The following TOX3 variants were observed in gnomAD, a reference collection of about 807,000 sequenced individuals.
TOX3 encodes TOX high mobility group box family member 3.
In TOX3, 22 loss-of-function variants were observed where a neutral mutation model predicts 64.3. The ratio of observed to expected loss-of-function variants is 0.34; its 90% confidence interval spans 0.24 to 0.49. The LOEUF is 0.49. Among genes scored for constraint, TOX3 ranks in the 20% least tolerant of loss-of-function variants. The pLI, the probability that TOX3 is intolerant of heterozygous loss-of-function variation, is 0.99. For synonymous variants in TOX3, 291 were observed against 273.6 expected, an observed-to-expected ratio of 1.06 and a Z score of -0.63; for missense variants, 661 against 714.4, an observed-to-expected ratio of 0.93 and a Z score of 0.85.
Position 52,463,296 on chromosome 16 carries a change from AGTGATTGCTGACTATAATT to A in TOX3, c.408+619_408+637del. ...TAAAATACTTAAGCAGATTTACTCT[AGTGATTGCTGACTATAATT>A]GCACACTAAGAAAAATAGAACCAAA... is the stretch of plus-strand genomic sequence containing the variant. On this transcript the variant is annotated intron_variant, in intron 3 of 6. Coordinates refer to ENST00000219746, the MANE Select transcript of TOX3 (RefSeq NM_001080430.4). 2.0e-5 allele frequency among the ~76,000 whole-genome samples: 3 copies of A among 152,340 alleles called. No homozygotes were observed. The South Asian group carries it at 6.2e-4, about 32-fold the overall frequency.
At chr16:52,469,278 A>G (rs1227176273) in intron 1 of TOX3, among the ~76,000 whole-genome samples, 1 of 152,212 alleles carries the variant, frequency 6.6e-6, no homozygotes, top group Admixed American at 6.5e-5. Flanking sequence ...ATCATCACAA[A>G]TAAGACCGTA....
At chr16:52,492,761 G>GA (rs977991820) in intron 1 of TOX3, among the ~76,000 whole-genome samples, 9 of 149,454 alleles carry the variant, frequency 6.0e-5, no homozygotes, top group African/African-American at 2.0e-4. Flanking sequence ...GACAAGAAAA[G>GA]AAAAAAAAGA....
At chr16:52,505,830 G>A (rs1962146445) in intron 1 of TOX3, among the ~76,000 whole-genome samples, 1 of 151,988 alleles carries the variant, frequency 6.6e-6, no homozygotes, top group African/African-American at 2.4e-5. Flanking sequence ...ATAAAAATCA[G>A]CTGGGCATGG....
chr16:52,492,930 G>A (rs564515491), intron 1 of TOX3, among the ~76,000 whole-genome samples: 5 of 149,460 alleles, frequency 3.3e-5, no homozygotes, highest in African/African-American at 7.4e-5. Context: ...TCCAGCTTTC[G>A]TTCTGAGAAC....
At chr16:52,440,748 CTTTCTTTTTTTTT>C (rs1959947359) in intron 6 of TOX3, among the ~76,000 whole-genome samples, 1 of 89,456 alleles carries the variant, frequency 1.1e-5, no homozygotes, top group African/African-American at 3.8e-5. Context: ...ATTTTTCTTT[CTTTCTTTTTTTTT>C]TTTTTTTTTT....
intron 3 of TOX3, among the ~76,000 whole-genome samples, chr16:52,455,271 C>T (rs1960481200): frequency 6.6e-6 from 1 of 151,992 alleles, no homozygotes; most frequent in African/African-American, 2.4e-5. Context: ...GTGGTACTGA[C>T]ATTTGGGTCT....
At chr16:52,451,112 C>G (rs905480180) in intron 3 of TOX3, among the ~76,000 whole-genome samples, 17 of 152,172 alleles carry the variant, frequency 1.1e-4, no homozygotes, top group Admixed American at 5.2e-4. Context: ...TTTCACAGAG[C>G]AAACATCTGT....
At chr16:52,494,807 A>AT (rs1422816788) in intron 1 of TOX3, among the ~76,000 whole-genome samples, 1 of 152,264 alleles carries the variant, frequency 6.6e-6, no homozygotes, top group Admixed American at 6.5e-5. Flanking sequence ...TGATTATATG[A>AT]TTCTAGAGGA....
At position 52,439,837 on chromosome 16, in the gene TOX3, C is replaced by T; in HGVS notation, c.1119G>A (p.Gln373=). The T allele has an allele frequency of 1.2e-6, 2 of 1,613,772 alleles. No individual in the cohort carries two copies. Among genetic ancestry groups the T allele is most frequent in the East Asian group, 4.5e-5 (2 of 44,838 alleles). The change falls in exon 7 of 7, where the codon CAG becomes CAA. Residue 373 remains glutamine, a synonymous_variant. Transcript: ENST00000219746. ...SQHGTVSASP[Q]TLQQSLPRSI... ...ACCTAGGGAGGGATTGCTGGAGAGTCTGAGGTGATGCTGACACTGTTCCAT... is the reference window on the plus strand; with the variant it reads ...ACCTAGGGAGGGATTGCTGGAGAGTTTGAGGTGATGCTGACACTGTTCCAT...
intron 6 of TOX3, among the ~76,000 whole-genome samples, chr16:52,442,646 G>T (rs1026472309): frequency 1.3e-5 from 2 of 152,152 alleles, no homozygotes; most frequent in Non-Finnish European, 2.9e-5. Context: ...GCTGCTTCCT[G>T]TGCGATCACT....
At chr16:52,515,865 C>T (rs953099110) in intron 1 of TOX3, among the ~76,000 whole-genome samples, 5 of 152,146 alleles carry the variant, frequency 3.3e-5, no homozygotes, top group African/African-American at 1.2e-4. Context: ...AAAAAGTGTA[C>T]AAATTATTTT....
chr16:52,450,620 T>A, intron 3 of TOX3, 74 bp from the exon 4 acceptor site: 1 of 1,579,706 alleles, frequency 6.3e-7, no homozygotes, highest in Non-Finnish European at 8.6e-7. Flanking sequence ...GGTTAGCATC[T>A]CCTTAGATAG....
chr16:52,484,006 C>T (rs1242392057), intron 1 of TOX3, among the ~76,000 whole-genome samples: 1 of 152,160 alleles, frequency 6.6e-6, no homozygotes, highest in African/African-American at 2.4e-5. Flanking sequence ...AAGGAATCCT[C>T]ATACTAGCCT....
At chr16:52,545,440 A>T (rs570456622) in intron 1 of TOX3, among the ~76,000 whole-genome samples, 2 of 152,316 alleles carry the variant, frequency 1.3e-5, no homozygotes, top group East Asian at 3.9e-4. Context: ...AATAGAAAGG[A>T]ACACGAGCCT....
At chr16:52,518,506 C>T (rs1211052460) in intron 1 of TOX3, among the ~76,000 whole-genome samples, 4 of 152,162 alleles carry the variant, frequency 2.6e-5, no homozygotes, top group South Asian at 2.1e-4. Context: ...CGTTCAAAGC[C>T]GGCTACTTGT....
intron 1 of TOX3, among the ~76,000 whole-genome samples, chr16:52,470,596 T>C (rs956996566): frequency 2.0e-5 from 3 of 152,240 alleles, no homozygotes; most frequent in Non-Finnish European, 2.9e-5. Flanking sequence ...GAACAGTTAG[T>C]ATGCGAATGT....
chr16:52,499,157 G>T (rs1031705616), intron 1 of TOX3, among the ~76,000 whole-genome samples: 5 of 152,142 alleles, frequency 3.3e-5, no homozygotes, highest in African/African-American at 9.7e-5. Context: ...AAGACCCCCT[G>T]GAAATTAGGT....
intron 2 of TOX3, among the ~76,000 whole-genome samples, chr16:52,465,176 G>T (rs1199824685): frequency 6.6e-6 from 1 of 151,368 alleles, no homozygotes; most frequent in Non-Finnish European, 1.5e-5. Flanking sequence ...CACCATACAC[G>T]GCTAATTCTT....
intron 1 of TOX3, among the ~76,000 whole-genome samples, chr16:52,527,986 C>T (rs1329119661): frequency 6.6e-6 from 1 of 152,078 alleles, no homozygotes; most frequent in Non-Finnish European, 1.5e-5. Flanking sequence ...CAGGAAAGTT[C>T]CCCAAAACAA....
Sources: gnomAD v4.1 joint callset for allele counts (sites outside exome capture counted in the v4.1 genomes callset) on GRCh38, gnomAD v4.1.1 for gene constraint, MANE v1.5 for transcripts, NCBI Gene and HGNC (gene_info 2026-07-23, HGNC 2026-07-21) for gene names.